NEXMIF: variants seen among roughly 807,000 people sequenced by gnomAD.
The protein encoded by NEXMIF is neurite extension and migration factor, also known as XLMR protein related to neurite extension.
A neutral mutation model predicts 62.1 loss-of-function variants in NEXMIF; 8 were observed. The ratio of observed to expected loss-of-function variants is 0.13; its 90% CI spans 0.08 to 0.23. NEXMIF has a LOEUF of 0.23. Among genes scored for constraint, NEXMIF ranks in the 10% least tolerant of loss-of-function variants. NEXMIF has a pLI of 1.00. For missense variants in NEXMIF, 976 were observed against 1,113.3 expected (o/e 0.88, Z 1.75); for synonymous variants, 404 against 416.6 (o/e 0.97, Z 0.37).
intron 1 of NEXMIF, among the ~76,000 whole-genome samples, chrX:74,807,740 G>C (rs1020360715): frequency 3.6e-5 from 4 of 111,968 alleles, no homozygotes; most frequent in Non-Finnish European, 7.5e-5. Context: ...TGGGAATACA[G>C]GCGTGAGCCA....
At chrX:74,924,178 A>G (rs1180713332) in intron 1 of NEXMIF, among the ~76,000 whole-genome samples, 1 of 110,820 alleles carries the variant, frequency 9.0e-6, no homozygotes, top group East Asian at 2.9e-4. Context: ...CCCGCCCTAC[A>G]GGGTGTACAA....
At chrX:74,821,910 C>T (rs1390371062) in intron 1 of NEXMIF, among the ~76,000 whole-genome samples, 1 of 111,105 alleles carries the variant, frequency 9.0e-6, no homozygotes, top group African/African-American at 3.3e-5. Flanking sequence ...CCACCACGCT[C>T]GGCTAATTTT....
intron 1 of NEXMIF, among the ~76,000 whole-genome samples, chrX:74,893,910 T>C (rs2080725382): frequency 9.0e-6 from 1 of 111,358 alleles, no homozygotes; most frequent in Non-Finnish European, 1.9e-5. Flanking sequence ...CTTTTGTGGG[T>C]GAGGGAGAAT....
chrX:74,798,274 A>G (rs747867344), intron 1 of NEXMIF, among the ~76,000 whole-genome samples: 7 of 112,096 alleles, frequency 6.2e-5, no homozygotes, highest in African/African-American at 2.3e-4. Context: ...CCAAAACAAA[A>G]TAATAAAAGA....
chrX:74,883,580 A>C (rs1410986150), intron 1 of NEXMIF, among the ~76,000 whole-genome samples: 5 of 111,774 alleles, frequency 4.5e-5, no homozygotes, highest in Non-Finnish European at 9.4e-5. Flanking sequence ...ATGAAGTGTG[A>C]AGAGAAGTTT....
chrX:74,741,904 A>G lies in NEXMIF; in HGVS notation c.2653T>C (p.Tyr885His), dbSNP rs757729692. ...SHNFKMESSN[Y>H]RNVWPNKATS... is the part of the protein sequence containing the mutation. The stretch of plus-strand genomic sequence containing the variant: ...GCCTTGTTGGGCCACACATTTCTAT[A>G]GTTGCTTGATTCCATTTTGAAGTTA... Residue 885 changes from tyrosine (Y) to histidine (H), a missense_variant, in exon 3 of 4, where the codon TAT becomes CAT. Physicochemically the swap from Tyr to His is moderately conservative, Grantham distance 83 (BLOSUM62 2). Around this residue, in one of 5 missense-constraint regions of NEXMIF, gnomAD observed 639 missense variants for 694.5 expected, o/e 0.92. Coordinates refer to ENST00000055682, the MANE Select transcript of NEXMIF (RefSeq NM_001008537.3). 8.3e-7 allele frequency: 1 copy of G among 1,211,681 alleles called. No homozygotes were observed. Among genetic ancestry groups the G allele is most frequent in the Non-Finnish European group, 1.1e-6 (1 of 895,462 alleles).
At chrX:74,793,691 C>G (rs866571039) in intron 1 of NEXMIF, among the ~76,000 whole-genome samples, 204 of 103,185 alleles carry the variant, frequency 2.0e-3, no homozygotes, top group Admixed American at 4.0e-3. Context: ...ATTCTTTTTT[C>G]TCTAAACTTC....
intron 1 of NEXMIF, among the ~76,000 whole-genome samples, chrX:74,819,537 G>C (rs1047996257): frequency 3.6e-5 from 4 of 111,978 alleles, no homozygotes; most frequent in Non-Finnish European, 7.5e-5. Context: ...GATATGAAAA[G>C]ACACTTTTCA....
chrX:74,741,742 T>C lies in NEXMIF; in HGVS notation c.2815A>G (p.Asn939Asp). ...TTGTTGCAATTACTGCCACCACTAT[T>C]GAGACAGATTGGATTGTATGTTGTA... is the stretch of plus-strand genomic sequence containing the variant. ...TPTTYNPICL[N>D]SGGSNCNKVL... The change falls in exon 3 of 4, where the codon AAT becomes GAT. Residue 939 changes from asparagine (N) to aspartate (D), a missense_variant. Physicochemically the swap from Asn to Asp is conservative, Grantham distance 23 (BLOSUM62 1). Around this residue, in one of 5 missense-constraint regions of NEXMIF, gnomAD observed 639 missense variants for 694.5 expected, o/e 0.92. Transcript: ENST00000055682. 8.3e-7 allele frequency: 1 copy of C among 1,211,046 alleles called. No homozygotes were observed. The highest frequency in any genetic ancestry group is 1.8e-5 in the South Asian group (1 of 56,966).
At chrX:74,793,734 C>T in intron 1 of NEXMIF, among the ~76,000 whole-genome samples, 1 of 94,194 alleles carries the variant, frequency 1.1e-5, no homozygotes, top group East Asian at 3.4e-4. Flanking sequence ...TTTCATCTTC[C>T]ATTGCTGATA....
At chrX:74,771,213 C>T (rs1228525804) in intron 1 of NEXMIF, among the ~76,000 whole-genome samples, 1 of 111,422 alleles carries the variant, frequency 9.0e-6, no homozygotes, top group Non-Finnish European at 1.9e-5. Context: ...GCCTTAGCCA[C>T]CCAGTATCTC....
intron 1 of NEXMIF, among the ~76,000 whole-genome samples, chrX:74,781,348 A>G (rs1377660265): frequency 1.8e-5 from 2 of 112,498 alleles, no homozygotes; most frequent in East Asian, 2.8e-4. Context: ...ATTTTTGTCT[A>G]TTGCCAAATG....
At chrX:74,769,977 G>A (rs2080205112) in intron 1 of NEXMIF, among the ~76,000 whole-genome samples, 1 of 111,807 alleles carries the variant, frequency 8.9e-6, no homozygotes, top group Non-Finnish European at 1.9e-5. Context: ...CCAAATCCCT[G>A]CTGCTATGAG....
chrX:74,760,727 G>A (rs755703623), intron 1 of NEXMIF, among the ~76,000 whole-genome samples: 21 of 111,384 alleles, frequency 1.9e-4, no homozygotes, highest in Non-Finnish European at 3.6e-4. Context: ...TTGCATCCCA[G>A]GGAAAAGTCT....
At chrX:74,804,627 T>C (rs975719790) in intron 1 of NEXMIF, among the ~76,000 whole-genome samples, 1 of 111,987 alleles carries the variant, frequency 8.9e-6, no homozygotes, top group African/African-American at 3.2e-5. Flanking sequence ...TCCAAGATGC[T>C]AGACAAAGTC....
intron 1 of NEXMIF, among the ~76,000 whole-genome samples, chrX:74,845,169 G>T (rs765499827): frequency 1.8e-5 from 2 of 111,296 alleles, no homozygotes; most frequent in African/African-American, 6.5e-5. Context: ...AGTAATACAT[G>T]CTGAGTGGCA....
At chrX:74,825,360 T>C (rs2080412039) in intron 1 of NEXMIF, among the ~76,000 whole-genome samples, 1 of 111,425 alleles carries the variant, frequency 9.0e-6, no homozygotes, top group Non-Finnish European at 1.9e-5. Flanking sequence ...CCATTAGTTA[T>C]TTCTCCTGAT....
Position 74,741,716 on chromosome X carries a change from C to T in NEXMIF, c.2841G>A (p.Lys947=), listed in dbSNP as rs772632995. Residue 947 remains lysine, a synonymous_variant, in exon 3 of 4, where the codon AAG becomes AAA. Coordinates refer to ENST00000055682, the MANE Select transcript of NEXMIF (RefSeq NM_001008537.3). ...TATCTTGCATGGAGTCATACAGGAC[C>T]TTGTTGCAATTACTGCCACCACTAT... ...CLNSGGSNCN[K]VLYDSMQDTQ... is the part of the protein sequence containing the mutation. 1.7e-5 allele frequency: 21 copies of T among 1,209,743 alleles called. No individual in the cohort carries two copies. The Admixed American group carries it at 4.2e-4, about 24-fold the overall frequency.
At chrX:74,818,981 CAG>C (rs1490287824) in intron 1 of NEXMIF, among the ~76,000 whole-genome samples, 1 of 111,779 alleles carries the variant, frequency 8.9e-6, no homozygotes, top group African/African-American at 3.3e-5. Context: ...GGTACCAAAA[CAG>C]ATATATAGAC....
Sources: gnomAD v4.1 joint callset for allele counts (sites outside exome capture counted in the v4.1 genomes callset) on GRCh38, gnomAD v4.1.1 for gene constraint, gnomAD v4.1.1 regional missense constraint, MANE v1.5 for transcripts, NCBI Gene and HGNC (gene_info 2026-07-23, HGNC 2026-07-21) for gene names.